Variants in PCDHGA8 observed in about 807,000 individuals in gnomAD.
PCDHGA8 encodes protocadherin gamma-A8.
PCDHGA8 carries 45 observed loss-of-function variants against 59.2 expected under a neutral mutation model. That is an observed-to-expected ratio of 0.76 (90% CI 0.60 to 0.98). The LOEUF (loss-of-function observed/expected upper bound fraction) is 0.98. PCDHGA8 is among the 50% of genes least tolerant of loss of function. PCDHGA8 has a pLI of 0.00. For missense variants in PCDHGA8, 1,257 were observed against 1,196.2 expected (o/e 1.05, Z -0.75); for synonymous variants, 531 against 519.0 (o/e 1.02, Z -0.32).
intron 1 of PCDHGA8, among the ~76,000 whole-genome samples, chr5:141,482,988 G>A (rs982148755): frequency 2.6e-5 from 4 of 152,112 alleles, no homozygotes; most frequent in South Asian, 2.1e-4. Context: ...GAGAGGTCGA[G>A]GCAGGAGAAT....
chr5:141,413,218 A>G, intron 1 of PCDHGA8: 1 of 1,613,610 alleles, frequency 6.2e-7, no homozygotes. Flanking sequence ...AAAGGATTGC[A>G]GCGGGCTGGT....
At chr5:141,448,143 A>C (rs2098568288) in intron 1 of PCDHGA8, among the ~76,000 whole-genome samples, 1 of 152,012 alleles carries the variant, frequency 6.6e-6, no homozygotes, top group Admixed American at 6.6e-5. Context: ...ACTATACCTC[A>C]GACTCACCCC....
Position 141,432,208 on chromosome 5 carries a change from G to A in PCDHGA8, c.2424+36971G>A, listed in dbSNP as rs150518735. The A allele has an allele frequency of 3.4e-5, 55 of 1,614,196 alleles. No individual in the cohort carries two copies. In the Middle Eastern group the frequency reaches 8.2e-4, roughly 24 times the overall value. Reference sequence around the variant, plus strand: ...CCGCCCACGACCCCGACTGTGAAGAGAACGCCCAGATCACTTATTCCCTGG... The same window carrying A: ...CCGCCCACGACCCCGACTGTGAAGAAAACGCCCAGATCACTTATTCCCTGG... On this transcript the variant is annotated intron_variant, in intron 1 of 3. Transcript: ENST00000398604. The surrounding 1 kb of genome is among the most constrained non-coding windows in gnomAD (Gnocchi z 6.0).
rs1254219994 is a variant in PCDHGA8, at chr5:141,393,118, G to C, written c.305G>C (p.Cys102Ser). The C allele has an allele frequency of 1.9e-5, 31 of 1,613,354 alleles. No individual in the cohort carries two copies. The highest frequency in any genetic ancestry group is 2.5e-5 in the Non-Finnish European group (30 of 1,179,908). Residue 102 changes from cysteine (C) to serine (S), a missense_variant, in exon 1 of 4, where the codon TGT (cysteine) becomes TCT (serine). Transcript: ENST00000398604. ...GAGCTCTGCGCTCAGAGCCCGCGGT[G>C]TCTGATAAATATTAACACCCTGGTT... ...REELCAQSPR[C>S]LININTLVED...
chr5:141,494,845 C>G lies in PCDHGA8; in HGVS notation c.2463C>G (p.Ala821=), dbSNP rs747484430. The part of the protein sequence containing the change: ...PPNTDWRFSQ[A]QRPGTSGSQN... Reference sequence around the variant, plus strand: ...ACACGGACTGGCGTTTCTCTCAGGCCCAGAGACCCGGCACCAGCGGGTAGG... The same window carrying G: ...ACACGGACTGGCGTTTCTCTCAGGCGCAGAGACCCGGCACCAGCGGGTAGG... The change falls in exon 2 of 4, where the codon GCC becomes GCG. Residue 821 remains alanine, a synonymous_variant. Transcript: ENST00000398604. 1.2e-6 allele frequency: 2 copies of G among 1,614,144 alleles called. No individual in the cohort carries two copies. The highest frequency in any genetic ancestry group is 1.7e-6 in the Non-Finnish European group (2 of 1,180,028).
At chr5:141,419,897 A>C in intron 1 of PCDHGA8, 1 of 1,613,960 alleles carries the variant, frequency 6.2e-7, no homozygotes, top group Non-Finnish European at 8.5e-7. Context: ...CGACCATCCC[A>C]CACCCTCTGA....
intron 1 of PCDHGA8, among the ~76,000 whole-genome samples, chr5:141,483,302 C>G (rs1262756268): frequency 2.0e-5 from 3 of 152,012 alleles, no homozygotes; most frequent in Admixed American, 6.5e-5. Context: ...AGTGAAGGGA[C>G]TGGGGACATT....
At chr5:141,505,275 AGGTCTTGGGCATGGGGTAG>A (rs1251192617) in intron 2 of PCDHGA8, 99 bp from the exon 3 acceptor site, 87 of 1,525,470 alleles carry the variant, frequency 5.7e-5, no homozygotes, top group Non-Finnish European at 2.0e-5. Context: ...TGAGAGAAAC[AGGTCTTGGGCATGGGGTAG>A]GGTTAGGGTA....
chr5:141,478,139 G>C, intron 1 of PCDHGA8: 15 of 1,614,040 alleles, frequency 9.3e-6, no homozygotes, highest in Non-Finnish European at 1.3e-5. Context: ...TGAAGCCCGA[G>C]CCGAGTTCCC....
At chr5:141,494,569 T>G (rs1341706026) in intron 1 of PCDHGA8, among the ~76,000 whole-genome samples, 2 of 152,190 alleles carry the variant, frequency 1.3e-5, no homozygotes, top group Non-Finnish European at 2.9e-5. Flanking sequence ...GAAAGGAGTC[T>G]CAGCTTGCTC....
rs143530538 is a variant in PCDHGA8 at position 141,490,323 on chromosome 5, G to A, written c.2425-4484G>A. 18 of 1,614,102 alleles carry A rather than the reference G, an allele frequency of 1.1e-5. No individual in the cohort carries two copies. Among genetic ancestry groups the A allele is most frequent in the Non-Finnish European group, 1.4e-5 (17 of 1,180,056 alleles). ...CCTCTTTGGCCAACCCTGTCCTAGA[G>A]AGCACACCAGTGGGCACAGTAGTGG... On this transcript the variant is annotated intron_variant, in intron 1 of 3. Transcript: ENST00000398604. This position sits in a 1 kb window ranked among gnomAD's most constrained non-coding sequence, Gnocchi z 5.4.
At chr5:141,404,248 G>C (rs1404333144) in intron 1 of PCDHGA8, 10 of 1,613,694 alleles carry the variant, frequency 6.2e-6, no homozygotes, top group South Asian at 1.1e-5. Context: ...CTCCGCCCCT[G>C]TCCACAGAAA....
chr5:141,417,980 C>A lies in PCDHGA8; in HGVS notation c.2424+22743C>A, dbSNP rs905203424. On this transcript the variant is annotated intron_variant, in intron 1 of 3. Transcript: ENST00000398604. ...GATCCGCTACTCGATTCCGGAGGAG[C>A]TGGCCAAGGGCTCGGTGGTGGGGAA... is the stretch of plus-strand genomic sequence containing the variant. 4.3e-6 allele frequency: 7 copies of A among 1,613,856 alleles called. No homozygotes were observed. The Admixed American group carries it at 1.0e-4, about 23-fold the overall frequency.
chr5:141,395,055 G>T lies in PCDHGA8; in HGVS notation c.2242G>T (p.Ala748Ser). 1 of 1,614,178 alleles carries T rather than the reference G, an allele frequency of 6.2e-7. No homozygotes were observed. The highest frequency in any genetic ancestry group is 1.3e-5 in the African/African-American group (1 of 75,036). ...SHFVGVEEVQAFLQTYSQEVS... is the reference protein window; with the variant it reads ...SHFVGVEEVQSFLQTYSQEVS... ...TTTTGTGGGTGTTGAGGAGGTACAG[G>T]CTTTCCTGCAGACCTATTCCCAGGA... is the stretch of plus-strand genomic sequence containing the variant. Residue 748 changes from alanine to serine, a missense_variant, in exon 1 of 4, where the codon GCT (alanine) becomes TCT (serine). Physicochemically the swap from Ala to Ser is moderately conservative, Grantham distance 99 (BLOSUM62 1). Transcript: ENST00000398604.
At chr5:141,460,983 G>GTGTA (rs1554142949) in intron 1 of PCDHGA8, among the ~76,000 whole-genome samples, 1,579 of 137,794 alleles carry the variant, frequency 0.011, 39 homozygotes, top group African/African-American at 0.038. Context: ...GTGTGTGTGT[G>GTGTA]TATATATATA....
chr5:141,398,203 T>C (rs1365410987), intron 1 of PCDHGA8: 2 of 1,489,610 alleles, frequency 1.3e-6, no homozygotes. Flanking sequence ...GTCTTTGTTC[T>C]GCCCGGCGCT....
chr5:141,393,707 T>TG lies in PCDHGA8; in HGVS notation c.898dup (p.Glu300GlyfsTer11). On this transcript the variant is annotated frameshift_variant, in exon 1 of 4. Transcript: ENST00000398604. LOFTEE classifies it high-confidence loss of function. ...CGTTATTCCAGCTTAATGAAAATACTGGGGAAATATCAATAGCAAAAAGTC... is the reference window on the plus strand; with the variant it reads ...CGTTATTCCAGCTTAATGAAAATACTGGGGGAAATATCAATAGCAAAAAGTC... 2 of 1,613,882 alleles carry TG rather than the reference T, an allele frequency of 1.2e-6. No individual in the cohort carries two copies. The highest frequency in any genetic ancestry group is 2.2e-5 in the South Asian group (2 of 91,088).
chr5:141,476,551 C>G lies in PCDHGA8; in HGVS notation c.2425-18256C>G, dbSNP rs367700651. ...CCCAGGAAATGAAATTGGAGATTAG[C>G]GAGGCCGTGGCTCCGGGGACGCGCT... On this transcript the variant is annotated intron_variant, in intron 1 of 3. Transcript: ENST00000398604. The surrounding 1 kb of genome is among the most constrained non-coding windows in gnomAD (Gnocchi z 7.6). 128 of 1,614,078 alleles carry G rather than the reference C, an allele frequency of 7.9e-5. No homozygotes were observed. Among genetic ancestry groups the G allele is most frequent in the Non-Finnish European group, 1.0e-4 (122 of 1,180,034 alleles).
intron 1 of PCDHGA8, among the ~76,000 whole-genome samples, chr5:141,469,723 C>G (rs2099209474): frequency 6.6e-6 from 1 of 152,210 alleles, no homozygotes; most frequent in Non-Finnish European, 1.5e-5. Context: ...AGGAATTTAT[C>G]ATAAATACAC....
Sources: gnomAD v4.1 joint callset for allele counts (sites outside exome capture counted in the v4.1 genomes callset) on GRCh38, gnomAD v4.1.1 for gene constraint, Gnocchi (gnomAD v3.1) non-coding constraint, MANE v1.5 for transcripts, NCBI Gene and HGNC (gene_info 2026-07-23, HGNC 2026-07-21) for gene names.